The following ERBB4 variants were observed in gnomAD, a reference collection of about 807,000 sequenced individuals.
ERBB4 encodes the protein receptor tyrosine-protein kinase erbB-4.
A neutral mutation model predicts 158.0 loss-of-function variants in ERBB4; 42 were observed. The observed-to-expected ratio is 0.27, with a 90% CI of 0.21 to 0.34. The LOEUF (loss-of-function observed/expected upper bound fraction) is 0.34, where lower values mean the gene tolerates loss of function less well. ERBB4 is among the 10% of genes least tolerant of loss of function. The pLI, the probability that ERBB4 is intolerant of heterozygous loss-of-function variation, is 1.00. For synonymous variants in ERBB4, 583 were observed against 558.7 expected, an observed-to-expected ratio of 1.04 and a Z score of -0.61; for missense variants, 1,333 against 1,624.1, an observed-to-expected ratio of 0.82 and a Z score of 3.08.
At chr2:212,178,143 T>A (rs566239556) in intron 1 of ERBB4, among the ~76,000 whole-genome samples, 1 of 151,876 alleles carries the variant, frequency 6.6e-6, no homozygotes, top group South Asian at 2.1e-4. Context: ...TCAAGGGTCT[T>A]ATTGTCTATG....
chr2:212,513,404 G>A (rs1369976068), intron 1 of ERBB4, among the ~76,000 whole-genome samples: 1 of 152,190 alleles, frequency 6.6e-6, no homozygotes, highest in African/African-American at 2.4e-5. Flanking sequence ...TACAGCGAGT[G>A]AAATGTCATG....
intron 3 of ERBB4, among the ~76,000 whole-genome samples, chr2:211,797,517 T>C (rs1045755637): frequency 2.0e-5 from 3 of 152,058 alleles, no homozygotes; most frequent in South Asian, 2.1e-4. Flanking sequence ...GTTGCTGGCA[T>C]GTTAAGACTT....
intron 9 of ERBB4, among the ~76,000 whole-genome samples, chr2:211,710,205 G>A (rs2073641300): frequency 6.6e-6 from 1 of 152,088 alleles, no homozygotes; most frequent in Admixed American, 6.6e-5. Flanking sequence ...CTTGTCTAAT[G>A]CAATTCATGT....
At chr2:212,349,094 A>G (rs2089141769) in intron 1 of ERBB4, among the ~76,000 whole-genome samples, 1 of 152,148 alleles carries the variant, frequency 6.6e-6, no homozygotes, top group Non-Finnish European at 1.5e-5. Context: ...TGACACGAAT[A>G]TAGGTATCAT....
intron 20 of ERBB4, chr2:211,535,578 AG>A (rs2066623616): frequency 7.8e-6 from 1 of 128,546 alleles, no homozygotes; most frequent in Non-Finnish European, 1.6e-5. Flanking sequence ...AAAAAGAGAG[AG>A]AGAGAGTGTA....
intron 14 of ERBB4, among the ~76,000 whole-genome samples, chr2:211,665,689 T>C (rs902801411): frequency 3.3e-5 from 5 of 152,214 alleles, no homozygotes; most frequent in Non-Finnish European, 7.3e-5. Context: ...TGATATCCTG[T>C]ATGTGTGAAA....
chr2:211,518,265 T>C (rs911856201), intron 20 of ERBB4, among the ~76,000 whole-genome samples: 2 of 152,120 alleles, frequency 1.3e-5, no homozygotes, highest in African/African-American at 2.4e-5. Flanking sequence ...GAGAGCCTTG[T>C]ACTCAATAAG....
chr2:211,851,169 G>A (rs955201596), intron 3 of ERBB4, among the ~76,000 whole-genome samples: 1 of 151,806 alleles, frequency 6.6e-6, no homozygotes, highest in Admixed American at 6.6e-5. Flanking sequence ...TACAAAATTT[G>A]ACTGAACAAA....
chr2:212,010,256 T>G (rs1049231524), intron 2 of ERBB4, among the ~76,000 whole-genome samples: 2 of 152,240 alleles, frequency 1.3e-5, no homozygotes, highest in East Asian at 1.9e-4. Flanking sequence ...TTATTTACCT[T>G]TTAACCCTCA....
At chr2:212,294,640 T>C (rs2086343814) in intron 1 of ERBB4, among the ~76,000 whole-genome samples, 2 of 152,042 alleles carry the variant, frequency 1.3e-5, no homozygotes, top group South Asian at 4.1e-4. Flanking sequence ...ATACTTACAA[T>C]ATAAAAAACT....
At chr2:211,443,442 T>C (rs1365257337) in intron 20 of ERBB4, among the ~76,000 whole-genome samples, 1 of 152,068 alleles carries the variant, frequency 6.6e-6, no homozygotes, top group African/African-American at 2.4e-5. Context: ...TTTCCCACAA[T>C]TGTTAGGAAA....
At chr2:211,678,899 G>A (rs569262230) in intron 13 of ERBB4, among the ~76,000 whole-genome samples, 153 bp downstream of exon 13, 21 of 148,096 alleles carry the variant, frequency 1.4e-4, no homozygotes, top group African/African-American at 4.7e-4. Flanking sequence ...CCCAGGAGGC[G>A]GAGCTTGCAG....
At position 211,708,717 on chromosome 2, in the gene ERBB4, A is replaced by G. The variant is rs143776836; in HGVS notation, c.1125-3326T>C. On this transcript the variant is annotated intron_variant, in intron 9 of 27. Coordinates refer to ENST00000342788, the MANE Select transcript of ERBB4 (RefSeq NM_005235.3). ...ATTTGTTAAGGTTTTACAATATGCC[A>G]GGCACTGGGCTGAGCAATTCAAAAC... Among the ~76,000 whole-genome samples the G allele has an allele frequency of 2.4e-3, 366 of 151,700 alleles. 5 individuals carry two copies. Among genetic ancestry groups the G allele is most frequent in the Non-Finnish European group, 2.5e-3 (167 of 67,766 alleles).
intron 14 of ERBB4, among the ~76,000 whole-genome samples, chr2:211,672,763 T>A (rs2071890552): frequency 6.6e-6 from 1 of 152,218 alleles, no homozygotes; most frequent in South Asian, 2.1e-4. Flanking sequence ...ATCACTTCTC[T>A]ATAGCCTATC....
At chr2:211,727,045 A>G (rs1404799034) in intron 5 of ERBB4, among the ~76,000 whole-genome samples, 2 of 152,184 alleles carry the variant, frequency 1.3e-5, no homozygotes, top group Non-Finnish European at 2.9e-5. Context: ...AAACCTTTCC[A>G]GACACAGCTC....
At chr2:212,488,081 A>G (rs1690072621) in intron 1 of ERBB4, among the ~76,000 whole-genome samples, 1 of 152,114 alleles carries the variant, frequency 6.6e-6, no homozygotes, top group African/African-American at 2.4e-5. Context: ...CTACCATTTC[A>G]CCTGAATTGC....
rs2105960283 is a variant in ERBB4, at chr2:211,679,181, G to A, written c.1493C>T (p.Ala498Val). Reference sequence around the variant, plus strand: ...CAGATGGTTGCACACCATTCCTTCAGCAGCTGTGAAACACCAAAATCAAGG... The same window carrying A: ...CAGATGGTTGCACACCATTCCTTCAACAGCTGTGAAACACCAAAATCAAGG... The part of the protein sequence containing the change: ...RDNRKAENCT[A>V]EGMVCNHLCS... Residue 498 changes from alanine (A) to valine (V), a missense_variant, in exon 13 of 28, where the codon GCT becomes GTT. By Grantham distance (64) the Ala-to-Val change is moderately conservative. Coordinates refer to ENST00000342788, the MANE Select transcript of ERBB4 (RefSeq NM_005235.3). The A allele has an allele frequency of 3.7e-6, 6 of 1,613,716 alleles. No homozygotes were observed. The highest frequency in any genetic ancestry group is 5.1e-6 in the Non-Finnish European group (6 of 1,179,786).
At chr2:211,629,999 T>C (rs995757880) in intron 17 of ERBB4, among the ~76,000 whole-genome samples, 1 of 152,208 alleles carries the variant, frequency 6.6e-6, no homozygotes, top group African/African-American at 2.4e-5. Flanking sequence ...AAGGACTTCA[T>C]GTCTAAAACA....
chr2:211,880,251 C>A (rs989548059), intron 3 of ERBB4, among the ~76,000 whole-genome samples: 3 of 152,120 alleles, frequency 2.0e-5, no homozygotes, highest in Admixed American at 6.5e-5. Context: ...ACTTACACTA[C>A]AAAATCCTTG....
Sources: gnomAD v4.1 joint callset for allele counts (sites outside exome capture counted in the v4.1 genomes callset) on GRCh38, gnomAD v4.1.1 for gene constraint, MANE v1.5 for transcripts, NCBI Gene and HGNC (gene_info 2026-07-23, HGNC 2026-07-21) for gene names.